Variants in LPP observed in about 807,000 individuals in gnomAD.
LPP encodes the protein lipoma-preferred partner.
Under a neutral mutation model 60.4 loss-of-function variants are expected in LPP, and 38 were observed. The ratio of observed to expected loss-of-function variants is 0.63; its 90% CI spans 0.49 to 0.83. The LOEUF (loss-of-function observed/expected upper bound fraction) is 0.83. LPP is among the 40% of genes least tolerant of loss of function. The probability of loss-of-function intolerance (pLI) is 0.00; values close to 1 mark genes in which losing one functional copy is unlikely to be tolerated. For missense variants in LPP, 902 were observed against 783.6 expected, an observed-to-expected ratio of 1.15 and a Z score of -1.80; for synonymous variants, 328 against 290.8, an observed-to-expected ratio of 1.13 and a Z score of -1.30.
At chr3:188,289,238 A>G (rs1451463964) in intron 2 of LPP, among the ~76,000 whole-genome samples, 15 of 152,172 alleles carry the variant, frequency 9.9e-5, no homozygotes, top group Non-Finnish European at 2.2e-4. Flanking sequence ...TGTGCTGGCC[A>G]CTGTGTGTTT....
intron 9 of LPP, among the ~76,000 whole-genome samples, chr3:188,821,553 C>T (rs537430641): frequency 6.6e-6 from 1 of 151,912 alleles, no homozygotes; most frequent in Admixed American, 6.6e-5. Context: ...AACCTGCTAA[C>T]CTTTTTCTTT....
At chr3:188,798,070 G>T (rs1215692018) in intron 9 of LPP, among the ~76,000 whole-genome samples, 5 of 150,138 alleles carry the variant, frequency 3.3e-5, no homozygotes, top group Non-Finnish European at 3.0e-5. Context: ...TCCCAGGAAG[G>T]CCACTTTATA....
At chr3:188,283,039 G>C (rs1742652842) in intron 2 of LPP, among the ~76,000 whole-genome samples, 1 of 152,134 alleles carries the variant, frequency 6.6e-6, no homozygotes, top group South Asian at 2.1e-4. Context: ...AGGGCCCCTG[G>C]GAACTTGGTT....
At chr3:188,197,183 T>C (rs1729775512) in intron 1 of LPP, among the ~76,000 whole-genome samples, 1 of 152,132 alleles carries the variant, frequency 6.6e-6, no homozygotes. Context: ...CAAGGAATGG[T>C]GACATTTAAG....
chr3:188,552,694 C>T (rs1415344460), intron 6 of LPP, among the ~76,000 whole-genome samples: 1 of 152,116 alleles, frequency 6.6e-6, no homozygotes, highest in African/African-American at 2.4e-5. Context: ...TTTCTCTGAC[C>T]ACTCTTTCAT....
chr3:188,301,990 A>AC (rs1750032608), intron 2 of LPP, among the ~76,000 whole-genome samples: 1 of 151,148 alleles, frequency 6.6e-6, no homozygotes, highest in African/African-American at 2.5e-5. Flanking sequence ...GAAAAAAAAA[A>AC]CAACAACCCA....
chr3:188,218,205 C>G (rs906411420), intron 1 of LPP, among the ~76,000 whole-genome samples: 1 of 152,184 alleles, frequency 6.6e-6, no homozygotes, highest in African/African-American at 2.4e-5. Flanking sequence ...ACCTACCAGC[C>G]CTCTTTTTTC....
intron 5 of LPP, among the ~76,000 whole-genome samples, chr3:188,521,738 A>G (rs897093940): frequency 1.3e-5 from 2 of 152,158 alleles, no homozygotes; most frequent in Non-Finnish European, 1.5e-5. Flanking sequence ...ACCCTGGCTT[A>G]GATAGAACAT....
rs546991837 is a variant in LPP, at chr3:188,586,281, C to T, written c.430-22880C>T. On this transcript the variant is annotated intron_variant, in intron 6 of 11. Transcript: ENST00000617246. Reference sequence around the variant, plus strand: ...TAATATGAAAGAGTCTTTTTCTTAACTAAATGCCAGCAACAAAATTTAAAC... The same window carrying T: ...TAATATGAAAGAGTCTTTTTCTTAATTAAATGCCAGCAACAAAATTTAAAC... Among the ~76,000 whole-genome samples, 61 of 152,110 alleles carry T rather than the reference C, an allele frequency of 4.0e-4. No homozygotes were observed. In the Middle Eastern group the frequency reaches 0.02, roughly 51 times the overall value.
chr3:188,521,421 G>C (rs1317530876), intron 5 of LPP, among the ~76,000 whole-genome samples: 1 of 152,072 alleles, frequency 6.6e-6, no homozygotes, highest in East Asian at 1.9e-4. Context: ...GTGACTTGTT[G>C]AGTCTCAGTG....
chr3:188,163,049 G>A (rs1053571064), intron 1 of LPP, among the ~76,000 whole-genome samples: 7 of 152,170 alleles, frequency 4.6e-5, no homozygotes, highest in Admixed American at 2.6e-4. Flanking sequence ...CAGGTTGTGC[G>A]CTGATTTGTC....
chr3:188,484,843 C>A, intron 5 of LPP, 139 bp downstream of exon 5: 1 of 624,460 alleles, frequency 1.6e-6, no homozygotes, highest in Non-Finnish European at 2.8e-6. Context: ...GAGAGCTTTA[C>A]AACTTATGAA....
intron 5 of LPP, among the ~76,000 whole-genome samples, chr3:188,518,108 C>T (rs115037429): frequency 2.0e-5 from 3 of 152,120 alleles, no homozygotes; most frequent in African/African-American, 7.2e-5. Context: ...GAACCATGAG[C>T]CAAATAAACC....
intron 3 of LPP, among the ~76,000 whole-genome samples, chr3:188,350,485 C>CA (rs1240529237): frequency 6.6e-6 from 1 of 152,214 alleles, no homozygotes; most frequent in Non-Finnish European, 1.5e-5. Flanking sequence ...AACTGGGCAT[C>CA]AATCACAGAC....
At chr3:188,541,555 T>TAA (rs573228116) in intron 6 of LPP, among the ~76,000 whole-genome samples, 6 of 144,568 alleles carry the variant, frequency 4.2e-5, no homozygotes, top group African/African-American at 7.5e-5. Flanking sequence ...AGATGCCCTT[T>TAA]AAAAAAAAAA....
chr3:188,347,083 G>C (rs985496982), intron 3 of LPP, among the ~76,000 whole-genome samples: 13 of 152,272 alleles, frequency 8.5e-5, no homozygotes, highest in African/African-American at 3.1e-4. Context: ...TGCTCAGAGA[G>C]GTTGAGTAAT....
chr3:188,814,884 C>T (rs1216266089), intron 9 of LPP, among the ~76,000 whole-genome samples: 1 of 152,240 alleles, frequency 6.6e-6, no homozygotes, highest in South Asian at 2.1e-4. Context: ...TATCCCTGCC[C>T]ATGAGCTGTG....
Position 188,395,309 on chromosome 3 carries a change from C to G in LPP, c.-9-10803C>G, listed in dbSNP as rs368625806. On this transcript the variant is annotated intron_variant, in intron 3 of 11. Coordinates refer to ENST00000617246, the MANE Select transcript of LPP (RefSeq NM_001375462.1). ...TCGTGGCTCACTGTAACCTTGAACC[C>G]CTGGTCTCAAGTGATCCTTCCACCT... Among the ~76,000 whole-genome samples, 30 of 152,246 alleles carry G rather than the reference C, an allele frequency of 2.0e-4. 1 individual carries two copies. In the East Asian group the frequency reaches 5.4e-3, roughly 27 times the overall value.
chr3:188,834,324 G>GTTTTTTTT (rs71867135), intron 9 of LPP, among the ~76,000 whole-genome samples: 8 of 34,098 alleles, frequency 2.3e-4, no homozygotes, highest in African/African-American at 9.5e-4. Flanking sequence ...CTTTTTGGGT[G>GTTTTTTTT]TTTTTTTTTT....
Sources: allele counts gnomAD v4.1 joint callset (sites outside exome capture counted in the v4.1 genomes callset), GRCh38; gene constraint gnomAD v4.1.1; transcripts MANE v1.5; gene names NCBI Gene and HGNC (gene_info 2026-07-23, HGNC 2026-07-21).